Variants in BMP2K observed in about 807,000 individuals in gnomAD.
The protein encoded by BMP2K is BMP2 inducible kinase.
BMP2K carries 74 observed loss-of-function variants against 116.0 expected under a neutral mutation model. That is an observed-to-expected ratio of 0.64 (90% CI 0.53 to 0.77). The LOEUF (loss-of-function observed/expected upper bound fraction) is 0.77. Among genes scored for constraint, BMP2K ranks in the 30% least tolerant of loss-of-function variants. BMP2K has a pLI of 0.00. For missense variants in BMP2K, 1,365 were observed against 1,403.6 expected, an observed-to-expected ratio of 0.97 and a Z score of 0.44; for synonymous variants, 486 against 502.5, an observed-to-expected ratio of 0.97 and a Z score of 0.44.
intron 13 of BMP2K, among the ~76,000 whole-genome samples, chr4:78,874,855 G>A (rs1254635148): frequency 6.6e-6 from 1 of 152,108 alleles, no homozygotes; most frequent in African/African-American, 2.4e-5. Flanking sequence ...GATGCTATTC[G>A]ACAAATCACA....
chr4:78,798,976 A>T (rs2109950897), intron 1 of BMP2K, among the ~76,000 whole-genome samples: 1 of 152,364 alleles, frequency 6.6e-6, no homozygotes, highest in Non-Finnish European at 1.5e-5. Context: ...CCATAATAAC[A>T]TTATCAAATT....
At chr4:78,786,846 C>A (rs766977317) in intron 1 of BMP2K, among the ~76,000 whole-genome samples, 1 of 152,222 alleles carries the variant, frequency 6.6e-6, no homozygotes, top group East Asian at 1.9e-4. Context: ...TAATAAAATG[C>A]GTAATTTTCT....
At chr4:78,896,902 T>G (rs531986413) in intron 15 of BMP2K, among the ~76,000 whole-genome samples, 26 of 152,100 alleles carry the variant, frequency 1.7e-4, no homozygotes, top group Non-Finnish European at 3.2e-4. Context: ...CAGAATGGAT[T>G]TATTGCTAGA....
chr4:78,858,019 T>TA (rs1467129832), intron 7 of BMP2K, among the ~76,000 whole-genome samples: 4 of 151,940 alleles, frequency 2.6e-5, no homozygotes, highest in South Asian at 2.1e-4. Flanking sequence ...CTTATATATT[T>TA]AAAAAAAATC....
In BMP2K at chr4:78,865,640, C is replaced by G; in HGVS notation, c.1151C>G (p.Pro384Arg). 6.2e-7 allele frequency: 1 copy of G among 1,614,088 alleles called. No homozygotes were observed. Among genetic ancestry groups the G allele is most frequent in the African/African-American group, 1.3e-5 (1 of 75,024 alleles). Residue 384 changes from proline to arginine, a missense_variant, in exon 10 of 16, where the codon CCC (proline) becomes CGC (arginine). By Grantham distance (103) the Pro-to-Arg change is moderately radical. This residue lies in a region of BMP2K where 762 missense variants were observed against 756.7 expected (regional missense o/e 1.01). Transcript: ENST00000502613. ...GCCAACTCTGCTACTACTGCCACTC[C>G]CAGTGTGCTGACCATTCAAAGTTCA... ...PKANSATTAT[P>R]SVLTIQSSAT...
In BMP2K at chr4:78,872,726, C is replaced by A. The variant is rs767020611; in HGVS notation, c.1721C>A (p.Ala574Asp). 7.4e-6 allele frequency: 12 copies of A among 1,614,148 alleles called. No individual in the cohort carries two copies. In the East Asian group the frequency reaches 2.5e-4, roughly 33 times the overall value. ...ACCTCCCCTCAAGAGTTCTCACCAG[C>A]CTTAGTTTCCTACACTTCATCACTT... ...YLTSPQEFSP[A>D]LVSYTSSLPA... The change falls in exon 13 of 16, where the codon GCC (alanine) becomes GAC (aspartate). Residue 574 changes from alanine to aspartate, a missense_variant. Transcript: ENST00000502613.
chr4:78,908,022 C>T (rs1224761525), intron 15 of BMP2K, among the ~76,000 whole-genome samples: 1 of 152,092 alleles, frequency 6.6e-6, no homozygotes, highest in Non-Finnish European at 1.5e-5. Context: ...AAAATAAATT[C>T]ACTAAAATTA....
Position 78,912,824 on chromosome 4 carries a change from ATCTGACAT to A in BMP2K, c.*793_*800del, listed in dbSNP as rs757559041. 2.0e-5 allele frequency: 3 copies of A among 152,180 alleles called. No individual in the cohort carries two copies. Among genetic ancestry groups the A allele is most frequent in the Non-Finnish European group, 4.4e-5 (3 of 68,016 alleles). The allele number at this position is 152,180 out of a possible 1,614,324, so 9.4% of individuals were successfully genotyped here. ...CTAGAACAAAAATATGAAGAGAAAT[ATCTGACAT>A]TTGTAAAGAAATTATAAGAAGAAAA... On this transcript the variant is annotated 3_prime_UTR_variant, in exon 16 of 16. Transcript: ENST00000502613.
At chr4:78,825,628 C>T (rs979237117) in intron 1 of BMP2K, among the ~76,000 whole-genome samples, 15 of 152,310 alleles carry the variant, frequency 9.8e-5, no homozygotes, top group African/African-American at 3.6e-4. Flanking sequence ...AGGAGGGAAG[C>T]ACCTATCTGA....
chr4:78,830,700 C>A (rs1577907428), intron 2 of BMP2K, among the ~76,000 whole-genome samples: 1 of 152,226 alleles, frequency 6.6e-6, no homozygotes, highest in African/African-American at 2.4e-5. Context: ...GAAATGGCTT[C>A]TTTCCTTAAA....
intron 1 of BMP2K, among the ~76,000 whole-genome samples, chr4:78,795,979 G>A (rs1272254860): frequency 6.6e-6 from 1 of 151,772 alleles, no homozygotes; most frequent in African/African-American, 2.4e-5. Flanking sequence ...GGAAGTCAGT[G>A]TGGCGATTCC....
At chr4:78,844,084 A>G (rs1322388554) in intron 4 of BMP2K, among the ~76,000 whole-genome samples, 1 of 151,928 alleles carries the variant, frequency 6.6e-6, no homozygotes, top group Non-Finnish European at 1.5e-5. Context: ...TCATAAAAAT[A>G]AAAGACATTA....
intron 1 of BMP2K, among the ~76,000 whole-genome samples, chr4:78,788,376 A>AT (rs1264545181): frequency 0.033 from 4,493 of 135,050 alleles, 200 homozygotes; most frequent in African/African-American, 0.1. Context: ...GGATCTAAGG[A>AT]TTTTTTTTTT....
chr4:78,842,520 A>C lies in BMP2K; in HGVS notation c.539A>C (p.Asp180Ala), dbSNP rs1479967483. ...TGTAAGACTCCAATAATTCACCGGG[A>C]TCTGAAGGTAAGAACTTTAGAATTC... ...HQCKTPIIHRDLKVENILLND... is the reference protein window; with the variant it reads ...HQCKTPIIHRALKVENILLND... Residue 180 changes from aspartate (D) to alanine (A), a missense_variant, in exon 4 of 16, where the codon GAT becomes GCT. Physicochemically the swap from Asp to Ala is moderately radical, Grantham distance 126. Around this residue, in one of 3 missense-constraint regions of BMP2K, gnomAD observed 762 missense variants for 756.7 expected, o/e 1.01. Transcript: ENST00000502613. 3.2e-6 allele frequency: 5 copies of C among 1,577,860 alleles called. No homozygotes were observed. Among genetic ancestry groups the C allele is most frequent in the East Asian group, 2.3e-5 (1 of 44,348 alleles).
chr4:78,820,495 T>C (rs982072694), intron 1 of BMP2K, among the ~76,000 whole-genome samples: 7 of 152,108 alleles, frequency 4.6e-5, no homozygotes, highest in Admixed American at 3.9e-4. Flanking sequence ...GTGTGTTATA[T>C]CTTTGATACA....
At chr4:78,804,151 A>C (rs1167013417) in intron 1 of BMP2K, among the ~76,000 whole-genome samples, 1 of 152,002 alleles carries the variant, frequency 6.6e-6, no homozygotes, top group Admixed American at 6.6e-5. Context: ...TCTTGTAATC[A>C]CTAGTCTATT....
At chr4:78,827,688 T>A (rs1387505462) in intron 2 of BMP2K, among the ~76,000 whole-genome samples, 1 of 152,132 alleles carries the variant, frequency 6.6e-6, no homozygotes, top group Non-Finnish European at 1.5e-5. Flanking sequence ...GGCCATTGAT[T>A]ACTGCCTGTG....
intron 3 of BMP2K, among the ~76,000 whole-genome samples, chr4:78,840,086 T>A (rs1730684291): frequency 6.6e-6 from 1 of 151,708 alleles, no homozygotes; most frequent in African/African-American, 2.4e-5. Flanking sequence ...TATTTTTGGT[T>A]TTTTTTTAAC....
At chr4:78,807,140 C>T (rs1189516419) in intron 1 of BMP2K, among the ~76,000 whole-genome samples, 3 of 152,110 alleles carry the variant, frequency 2.0e-5, no homozygotes, top group Admixed American at 6.5e-5. Context: ...GTGGGAGCCA[C>T]CGTGCCTGGC....
Sources: allele counts gnomAD v4.1 joint callset (sites outside exome capture counted in the v4.1 genomes callset), GRCh38; gene constraint gnomAD v4.1.1; regional missense constraint gnomAD v4.1.1; transcripts MANE v1.5; gene names NCBI Gene and HGNC (gene_info 2026-07-23, HGNC 2026-07-21).